Variants in KCNN3 observed in about 807,000 individuals in gnomAD.
KCNN3 encodes the protein small conductance calcium-activated potassium channel protein 3.
In KCNN3, 16 loss-of-function variants were observed where a neutral mutation model predicts 62.9. That is an observed-to-expected ratio of 0.25 (90% confidence interval 0.17 to 0.39). The LOEUF is 0.39. Among genes scored for constraint, KCNN3 ranks in the 10% least tolerant of loss-of-function variants. The pLI is 1.00. For missense variants in KCNN3, 599 were observed against 949.4 expected (o/e 0.63, Z 4.85); for synonymous variants, 370 against 389.2 (o/e 0.95, Z 0.58).
intron 7 of KCNN3, among the ~76,000 whole-genome samples, chr1:154,712,499 A>G (rs1308393345): frequency 1.3e-5 from 2 of 152,078 alleles, no homozygotes; most frequent in Non-Finnish European, 2.9e-5. Flanking sequence ...TCCCTTTATT[A>G]AACAAGGCAC....
At chr1:154,722,481 A>G (rs112817815) in intron 5 of KCNN3, among the ~76,000 whole-genome samples, 95 of 143,516 alleles carry the variant, frequency 6.6e-4, no homozygotes, top group Middle Eastern at 3.8e-3. Context: ...TTCGCCTCCC[A>G]GGTTGAAGCG....
intron 2 of KCNN3, among the ~76,000 whole-genome samples, chr1:154,801,662 G>A (rs138137640): frequency 5.9e-5 from 9 of 152,280 alleles, no homozygotes; most frequent in Non-Finnish European, 1.2e-4. Flanking sequence ...TTTTAAGTGC[G>A]CTTGCCTGCC....
intron 3 of KCNN3, among the ~76,000 whole-genome samples, chr1:154,734,417 A>G (rs1700665725): frequency 6.6e-6 from 1 of 152,348 alleles, no homozygotes; most frequent in South Asian, 2.1e-4. Flanking sequence ...TATGGAAGTC[A>G]GTTACCATTG....
chr1:154,743,183 TCTCTTACCTGCTCCAGTCCCATC>T (rs1314929734), intron 3 of KCNN3, among the ~76,000 whole-genome samples: 1 of 142,872 alleles, frequency 7.0e-6, no homozygotes, highest in Non-Finnish European at 1.5e-5. Context: ...CCAGCCCCAC[TCTCTTACCTGCTCCAGTCCCATC>T]CTCTTACCTG....
In KCNN3 at chr1:154,774,372, T is replaced by G. The variant is rs920042515; in HGVS notation, c.1030-1979A>C. Among the ~76,000 whole-genome samples the G allele has an allele frequency of 3.3e-5, 5 of 152,306 alleles. No homozygotes were observed. In the South Asian group the frequency reaches 1.0e-3, roughly 32 times the overall value. ...TGTCCAGCCTTTGTCTTCCGGTAAG[T>G]CCCACTGTGGAGTCCCACCATATTT... is the stretch of plus-strand genomic sequence containing the variant. On this transcript the variant is annotated intron_variant, in intron 2 of 7. Coordinates refer to ENST00000271915, the MANE Select transcript of KCNN3 (RefSeq NM_002249.6).
chr1:154,854,907 G>A (rs1168727261), intron 1 of KCNN3, among the ~76,000 whole-genome samples: 3 of 152,168 alleles, frequency 2.0e-5, no homozygotes, highest in Admixed American at 6.5e-5. Context: ...TTACAAAAGA[G>A]TATAAAAAGC....
chr1:154,713,407 C>G, intron 7 of KCNN3, 57 bp downstream of exon 7: 1 of 1,423,664 alleles, frequency 7.0e-7, no homozygotes. Flanking sequence ...ACAGGTGAGC[C>G]TGAGAAGACT....
chr1:154,724,245 G>A (rs758922165), intron 5 of KCNN3, among the ~76,000 whole-genome samples: 9 of 152,182 alleles, frequency 5.9e-5, no homozygotes, highest in Admixed American at 2.6e-4. Flanking sequence ...CCAAGAGCTC[G>A]CTCGCAGCTC....
At position 154,772,705 on chromosome 1, in the gene KCNN3, G is replaced by A. The variant is rs1356811154; in HGVS notation, c.1030-312C>T. Among the ~76,000 whole-genome samples, 2 of 152,150 alleles carry A rather than the reference G, an allele frequency of 1.3e-5. No individual in the cohort carries two copies. The highest frequency in any genetic ancestry group is 4.8e-5 in the African/African-American group (2 of 41,420). Reference sequence around the variant, plus strand: ...AATAATGTACTTGGTCTTTATCCTGGTTTAGGCACAGTTCCCAAAACGCTC... The same window carrying A: ...AATAATGTACTTGGTCTTTATCCTGATTTAGGCACAGTTCCCAAAACGCTC... On this transcript the variant is annotated intron_variant, in intron 2 of 7. Coordinates refer to ENST00000271915, the MANE Select transcript of KCNN3 (RefSeq NM_002249.6). This position sits in a 1 kb window ranked among gnomAD's most constrained non-coding sequence, Gnocchi z 5.6.
intron 4 of KCNN3, among the ~76,000 whole-genome samples, chr1:154,729,248 C>T (rs1040173930): frequency 2.0e-5 from 3 of 151,860 alleles, no homozygotes; most frequent in Admixed American, 2.0e-4. Context: ...CAGCCTTTTG[C>T]TTTCAGATAT....
intron 1 of KCNN3, among the ~76,000 whole-genome samples, chr1:154,858,858 CCG>C (rs1652640931): frequency 6.6e-6 from 1 of 152,088 alleles, no homozygotes; most frequent in African/African-American, 2.4e-5. Flanking sequence ...GTGTGAGCCA[CCG>C]CATAACTTCT....
In KCNN3 at chr1:154,826,061, AC is replaced by A. The variant is rs375539663; in HGVS notation, c.934-3878del. Among the ~76,000 whole-genome samples the A allele has an allele frequency of 1.2e-3, 101 of 86,800 alleles. 2 individuals carry two copies. Among genetic ancestry groups the A allele is most frequent in the African/African-American group, 4.6e-3 (98 of 21,292 alleles). 56.9% of individuals were successfully genotyped at this position (86,800 alleles called of 152,430 possible). ...GACTCCATCTTAAAAAAAAACAAAA[AC>A]AAAAACAAAAACAAAAACAAAAACA... On this transcript the variant is annotated intron_variant, in intron 1 of 7. Coordinates refer to ENST00000271915, the MANE Select transcript of KCNN3 (RefSeq NM_002249.6).
intron 1 of KCNN3, among the ~76,000 whole-genome samples, chr1:154,861,146 G>A (rs1364500221): frequency 6.6e-6 from 1 of 152,010 alleles, no homozygotes; most frequent in African/African-American, 2.4e-5. Flanking sequence ...GTAGAGATGA[G>A]GTTTCGCCAT....
In KCNN3 at chr1:154,869,635, G is replaced by C. The variant is rs768125954; in HGVS notation, c.330C>G (p.Ala110=). 3 of 1,613,492 alleles carry C rather than the reference G, an allele frequency of 1.9e-6. No homozygotes were observed. The South Asian group carries it at 3.3e-5, about 18-fold the overall frequency. The change falls in exon 1 of 8, where the codon GCC becomes GCG. Residue 110 remains alanine, a synonymous_variant. Coordinates refer to ENST00000271915, the MANE Select transcript of KCNN3 (RefSeq NM_002249.6). This position sits in a 1 kb window ranked among gnomAD's most constrained non-coding sequence, Gnocchi z 6.1. ...TGGCGGTGGAGTTGGACGAAGGGGG[G>C]GCCCTGAAAGCGGTGGGAGAGGAGT... ...LLHSSPTAFR[A]PPSSNSTAIL...
chr1:154,766,778 C>CA (rs1185964587), intron 3 of KCNN3, among the ~76,000 whole-genome samples: 2 of 150,674 alleles, frequency 1.3e-5, no homozygotes, highest in Admixed American at 1.3e-4. Flanking sequence ...CTCCTGGGTT[C>CA]ACGCCATTCT....
At chr1:154,793,002 C>T (rs1266880327) in intron 2 of KCNN3, among the ~76,000 whole-genome samples, 3 of 152,270 alleles carry the variant, frequency 2.0e-5, no homozygotes, top group African/African-American at 4.8e-5. Context: ...TTGTGGTCCT[C>T]GGTTCTGTAC....
intron 2 of KCNN3, among the ~76,000 whole-genome samples, chr1:154,807,398 C>A (rs774536164): frequency 5.9e-5 from 9 of 152,194 alleles, no homozygotes; most frequent in Non-Finnish European, 1.2e-4. Context: ...CGCACTTCAA[C>A]CTTTTGAGCC....
intron 4 of KCNN3, among the ~76,000 whole-genome samples, chr1:154,728,452 T>C (rs1367498671): frequency 2.0e-5 from 3 of 152,176 alleles, no homozygotes; most frequent in African/African-American, 7.2e-5. Flanking sequence ...TAATGACACC[T>C]AACCTGGTCT....
chr1:154,771,898 C>A, intron 3 of KCNN3, 77 bp downstream of exon 3: 1 of 1,454,590 alleles, frequency 6.9e-7, no homozygotes, highest in Non-Finnish European at 9.6e-7. Context: ...AGACCACATA[C>A]TTCCTGGCAC....
Sources: gnomAD v4.1 joint callset for allele counts (sites outside exome capture counted in the v4.1 genomes callset) on GRCh38, gnomAD v4.1.1 for gene constraint, Gnocchi (gnomAD v3.1) non-coding constraint, MANE v1.5 for transcripts, NCBI Gene and HGNC (gene_info 2026-07-23, HGNC 2026-07-21) for gene names.